Variants in MAP3K9 observed in about 807,000 individuals in gnomAD.
MAP3K9 encodes mixed lineage kinase 1 (tyr and ser/thr specificity).
Under a neutral mutation model 95.8 loss-of-function variants are expected in MAP3K9, and 46 were observed. That is an observed-to-expected ratio of 0.48 (90% confidence interval 0.38 to 0.61). The LOEUF is 0.61. Among genes scored for constraint, MAP3K9 ranks in the 20% least tolerant of loss-of-function variants. The pLI, the probability that MAP3K9 is intolerant of heterozygous loss-of-function variation, is 0.00. For synonymous variants in MAP3K9, 533 were observed against 593.8 expected, an observed-to-expected ratio of 0.90 and a Z score of 1.49; for missense variants, 1,296 against 1,474.3, an observed-to-expected ratio of 0.88 and a Z score of 1.98.
In MAP3K9 at chr14:70,732,851, TGGA is replaced by T. The variant is rs1566728280; in HGVS notation, c.2515_2517del (p.Ser839del). Reference sequence around the variant, plus strand: ...GAGCGTGTGGAGTTGCACTCGGAGATGGAGGAGAGGGAGAGCAGCGTCAGGGAG... The same window carrying T: ...GAGCGTGTGGAGTTGCACTCGGAGATGGAGAGGGAGAGCAGCGTCAGGGAG... On this transcript the variant is annotated inframe_deletion, in exon 11 of 12. Coordinates refer to ENST00000554752, the MANE Select transcript of MAP3K9 (RefSeq NM_001284230.2). 1.2e-6 allele frequency: 2 copies of T among 1,613,852 alleles called. No homozygotes were observed. The highest frequency in any genetic ancestry group is 1.7e-6 in the Non-Finnish European group (2 of 1,179,894).
intron 2 of MAP3K9, among the ~76,000 whole-genome samples, chr14:70,782,411 A>T (rs1411470502): frequency 2.0e-5 from 3 of 152,174 alleles, no homozygotes; most frequent in Non-Finnish European, 4.4e-5. Flanking sequence ...CACCCCAGGC[A>T]TTGCAGAGGA....
chr14:70,767,654 G>A (rs1281499923), intron 2 of MAP3K9, among the ~76,000 whole-genome samples: 5 of 151,906 alleles, frequency 3.3e-5, no homozygotes, highest in South Asian at 2.1e-4. Context: ...TTATCTCAAC[G>A]GCCTTTCGCC....
At position 70,793,274 on chromosome 14, in the gene MAP3K9, G is replaced by A. The variant is rs1303098418; in HGVS notation, c.820+7393C>T. Among the ~76,000 whole-genome samples the A allele has an allele frequency of 3.9e-5, 6 of 152,184 alleles. No individual in the cohort carries two copies. The South Asian group carries it at 8.3e-4, about 21-fold the overall frequency. ...TGTGAAGAGGGGAGGAGGCAGAGGCGTTTGGGATTAATAACGAATGTACTG... is the reference window on the plus strand; with the variant it reads ...TGTGAAGAGGGGAGGAGGCAGAGGCATTTGGGATTAATAACGAATGTACTG... On this transcript the variant is annotated intron_variant, in intron 2 of 11. Transcript: ENST00000554752.
At chr14:70,739,355 C>A (rs1451014352) in intron 7 of MAP3K9, among the ~76,000 whole-genome samples, 1 of 152,182 alleles carries the variant, frequency 6.6e-6, no homozygotes, top group East Asian at 1.9e-4. Context: ...TGGTCTCGAT[C>A]TCCTGACCTC....
At chr14:70,743,725 G>A (rs967901133) in intron 5 of MAP3K9, among the ~76,000 whole-genome samples, 1 of 152,190 alleles carries the variant, frequency 6.6e-6, no homozygotes, top group Admixed American at 6.5e-5. Flanking sequence ...GAGAGGATGT[G>A]GAGAAACAGG....
intron 2 of MAP3K9, among the ~76,000 whole-genome samples, chr14:70,786,364 T>A (rs953780589): frequency 6.6e-6 from 1 of 152,150 alleles, no homozygotes; most frequent in Non-Finnish European, 1.5e-5. Flanking sequence ...CAGCGGGGAT[T>A]CCTATCTCTA....
chr14:70,753,529 T>C lies in MAP3K9; in HGVS notation c.1002-3448A>G, dbSNP rs560104035. ...TCTGAGCTCAGGGAAAGGCGGGCAGTAGAAGTTGATGTGATTTACCTCAGG... is the reference window on the plus strand; with the variant it reads ...TCTGAGCTCAGGGAAAGGCGGGCAGCAGAAGTTGATGTGATTTACCTCAGG... On this transcript the variant is annotated intron_variant, in intron 3 of 11. Coordinates refer to ENST00000554752, the MANE Select transcript of MAP3K9 (RefSeq NM_001284230.2). 2.0e-5 allele frequency among the ~76,000 whole-genome samples: 3 copies of C among 152,286 alleles called. No individual in the cohort carries two copies. In the South Asian group the frequency reaches 6.2e-4, roughly 32 times the overall value.
intron 2 of MAP3K9, among the ~76,000 whole-genome samples, chr14:70,762,564 C>G (rs886600): frequency 0.57 from 86,822 of 151,936 alleles, 24,925 homozygotes; most frequent in Middle Eastern, 0.67. Flanking sequence ...GAAATGTCCA[C>G]TCAATCCTTT....
chr14:70,803,487 C>G (rs1009602620), intron 1 of MAP3K9, among the ~76,000 whole-genome samples: 13 of 151,584 alleles, frequency 8.6e-5, no homozygotes, highest in African/African-American at 2.7e-4. Context: ...GGAACTGCCA[C>G]TGCTGACTAT....
At chr14:70,798,854 C>T (rs570403117) in intron 2 of MAP3K9, among the ~76,000 whole-genome samples, 37 of 152,126 alleles carry the variant, frequency 2.4e-4, no homozygotes, top group African/African-American at 8.7e-4. Context: ...GATAAAGAGA[C>T]AGGAAAATGG....
intron 5 of MAP3K9, among the ~76,000 whole-genome samples, chr14:70,747,524 A>T (rs1353453053): frequency 6.6e-6 from 1 of 152,304 alleles, no homozygotes; most frequent in East Asian, 1.9e-4. Context: ...ATGAGAATAG[A>T]CTAATATAAT....
At chr14:70,747,098 A>G (rs2054157913) in intron 5 of MAP3K9, among the ~76,000 whole-genome samples, 1 of 152,258 alleles carries the variant, frequency 6.6e-6, no homozygotes, top group South Asian at 2.1e-4. Context: ...TTCCATAAAA[A>G]GAGTTTAATT....
Position 70,738,393 on chromosome 14 carries a change from G to C in MAP3K9, c.1696C>G (p.Pro566Ala). 6.2e-7 allele frequency: 1 copy of C among 1,613,588 alleles called. No homozygotes were observed. Among genetic ancestry groups the C allele is most frequent in the South Asian group, 1.1e-5 (1 of 90,938 alleles). The change falls in exon 8 of 12, where the codon CCA becomes GCA. Residue 566 changes from proline to alanine, a missense_variant. This residue lies in a region of MAP3K9 where 377 missense variants were observed against 417.1 expected (regional missense o/e 0.90). Coordinates refer to ENST00000554752, the MANE Select transcript of MAP3K9 (RefSeq NM_001284230.2). Reference sequence around the variant, plus strand: ...CCCCAGGTTTTGCTGCTTTCACCTGGTGTCACTGTGAATCACAAGGGTTGG... The same window carrying C: ...CCCCAGGTTTTGCTGCTTTCACCTGCTGTCACTGTGAATCACAAGGGTTGG... ...IPRLRAIQLTPGESSKTWGRS... is the reference protein window; with the variant it reads ...IPRLRAIQLTAGESSKTWGRS...
chr14:70,776,104 G>A (rs1326681870), intron 2 of MAP3K9, among the ~76,000 whole-genome samples: 4 of 152,144 alleles, frequency 2.6e-5, no homozygotes, highest in African/African-American at 4.8e-5. Flanking sequence ...CAGGAGAATC[G>A]CTTGAACCCG....
rs2053883247 is a variant in MAP3K9, at chr14:70,730,545, T to C, written c.3150A>G (p.Pro1050=). 2 of 1,613,970 alleles carry C rather than the reference T, an allele frequency of 1.2e-6. No individual in the cohort carries two copies. Among genetic ancestry groups the C allele is most frequent in the Non-Finnish European group, 1.7e-6 (2 of 1,180,012 alleles). The change falls in exon 12 of 12, where the codon CCA becomes CCG. Residue 1050 remains proline, a synonymous_variant. Transcript: ENST00000554752. ...GCCCTGCCTGGAACGGGAGCAGGGC[T>C]GGAAGTCCAGGCCGCTCCTCTACAG... ...SSTVEERPGL[P]ALLPFQAGPL...
At chr14:70,791,261 T>TA (rs1320231674) in intron 2 of MAP3K9, among the ~76,000 whole-genome samples, 1 of 152,146 alleles carries the variant, frequency 6.6e-6, no homozygotes, top group Non-Finnish European at 1.5e-5. Flanking sequence ...TTTCTGCAAC[T>TA]AAAAGCTCAT....
intron 2 of MAP3K9, among the ~76,000 whole-genome samples, chr14:70,762,287 C>G (rs1204441077): frequency 6.6e-6 from 1 of 152,034 alleles, no homozygotes; most frequent in Non-Finnish European, 1.5e-5. Flanking sequence ...CATGGTAATT[C>G]GTGTTTATCT....
chr14:70,775,741 G>A (rs17177041), intron 2 of MAP3K9, among the ~76,000 whole-genome samples: 3 of 152,120 alleles, frequency 2.0e-5, no homozygotes, highest in African/African-American at 7.2e-5. Flanking sequence ...AAAGCTATCA[G>A]TCAAACCTAA....
At position 70,732,937 on chromosome 14, in the gene MAP3K9, G is replaced by T. The variant is rs376367504; in HGVS notation, c.2432C>A (p.Pro811Gln). The change falls in exon 11 of 12, where the codon CCA becomes CAA. Residue 811 changes from proline (P) to glutamine (Q), a missense_variant. By Grantham distance (76) the Pro-to-Gln change is moderately conservative. Coordinates refer to ENST00000554752, the MANE Select transcript of MAP3K9 (RefSeq NM_001284230.2). ...CTCCTTCTTGAAAAGCTTTCGGGAT[G>T]GGGGGCTGGTGCTCCGACGAGGACG... ...SSRPRRSTSP[P>Q]SRKLFKKEEP... is the part of the protein sequence containing the mutation. The T allele has an allele frequency of 2.9e-5, 46 of 1,613,918 alleles. No individual in the cohort carries two copies. Among genetic ancestry groups the T allele is most frequent in the East Asian group, 2.0e-4 (9 of 44,880 alleles).
Sources: gnomAD v4.1 joint callset for allele counts (sites outside exome capture counted in the v4.1 genomes callset) on GRCh38, gnomAD v4.1.1 for gene constraint, gnomAD v4.1.1 regional missense constraint, MANE v1.5 for transcripts, NCBI Gene and HGNC (gene_info 2026-07-23, HGNC 2026-07-21) for gene names.